The following PLXNA2 variants were observed in gnomAD, a reference collection of about 807,000 sequenced individuals.
The protein encoded by PLXNA2 is plexin-A2.
In PLXNA2, 91 loss-of-function variants were observed where a neutral mutation model predicts 193.5. That is an observed-to-expected ratio of 0.47 (90% confidence interval 0.40 to 0.56). The LOEUF (loss-of-function observed/expected upper bound fraction) is 0.56, where lower values mean the gene tolerates loss of function less well. Ranked by LOEUF, PLXNA2 falls within the 20% of genes least tolerant of loss-of-function variation. The pLI, the probability that PLXNA2 is intolerant of heterozygous loss-of-function variation, is 0.00. For synonymous variants in PLXNA2, 997 were observed against 1,027.3 expected, an observed-to-expected ratio of 0.97 and a Z score of 0.56; for missense variants, 1,995 against 2,503.2, an observed-to-expected ratio of 0.80 and a Z score of 4.33.
At chr1:208,046,202 T>C (rs1310137349) in intron 17 of PLXNA2, 85 bp from the exon 18 acceptor site, 2 of 1,456,842 alleles carry the variant, frequency 1.4e-6, no homozygotes, top group South Asian at 2.7e-5. Context: ...ACCCTCTCTC[T>C]GCTTTTGTGC....
chr1:208,205,573 C>T (rs1309625890), intron 3 of PLXNA2, among the ~76,000 whole-genome samples: 1 of 152,228 alleles, frequency 6.6e-6, no homozygotes, highest in Admixed American at 6.5e-5. Flanking sequence ...TTCTCTGCCT[C>T]AGCCTGTCCT....
chr1:208,052,511 A>G (rs1350185887), intron 14 of PLXNA2, 48 bp from the exon 15 acceptor site: 2 of 1,592,204 alleles, frequency 1.3e-6, no homozygotes, highest in East Asian at 4.5e-5. Context: ...TTTCTCCAAA[A>G]GGATGGACCA....
intron 3 of PLXNA2, among the ~76,000 whole-genome samples, chr1:208,179,654 C>T (rs889300868): frequency 3.3e-5 from 5 of 152,190 alleles, no homozygotes; most frequent in African/African-American, 1.2e-4. Flanking sequence ...CTCTATTAGC[C>T]TCTCTCAGAT....
At chr1:208,234,382 C>T (rs1671786476) in intron 1 of PLXNA2, among the ~76,000 whole-genome samples, 1 of 152,224 alleles carries the variant, frequency 6.6e-6, no homozygotes. Context: ...ATCAAGGGCT[C>T]TTGCTGACCC....
At chr1:208,062,679 C>A (rs932728458) in intron 12 of PLXNA2, among the ~76,000 whole-genome samples, 3 of 152,214 alleles carry the variant, frequency 2.0e-5, no homozygotes, top group Non-Finnish European at 2.9e-5. Context: ...ATAAACAGCA[C>A]ACATGAAATG....
chr1:208,233,211 G>C (rs1048370685), intron 1 of PLXNA2, among the ~76,000 whole-genome samples: 2 of 152,164 alleles, frequency 1.3e-5, no homozygotes, highest in Non-Finnish European at 2.9e-5. Flanking sequence ...ACCTCCTCAA[G>C]AGCCTGGACA....
At position 208,052,329 on chromosome 1, in the gene PLXNA2, G is replaced by T; in HGVS notation, c.2991C>A (p.Tyr997Ter). 1 of 1,612,534 alleles carries T rather than the reference G, an allele frequency of 6.2e-7. No homozygotes were observed. Among genetic ancestry groups the T allele is most frequent in the Non-Finnish European group, 8.5e-7 (1 of 1,179,986 alleles). Reference protein sequence around the residue: ...VYLGNQTCEFYGRSMSEIVCV... With the variant: ...VYLGNQTCEF ...GTGGCCCTTCAAGTTTATCTCACCC[G>T]TAGAACTCGCAGGTCTGGTTGCCCA... The change falls in exon 15 of 32, where the codon TAC becomes TAA. Residue 997 changes from tyrosine (Y) to a stop codon, truncating the protein, a stop_gained and splice_region_variant. Coordinates refer to ENST00000367033, the MANE Select transcript of PLXNA2 (RefSeq NM_025179.4). LOFTEE classifies it high-confidence loss of function.
intron 12 of PLXNA2, among the ~76,000 whole-genome samples, chr1:208,074,672 T>C (rs1385985589): frequency 1.1e-4 from 17 of 152,192 alleles, no homozygotes. Context: ...AACGTAGAAC[T>C]CCTTTGAGAT....
chr1:208,152,683 G>GCACA (rs56051287), intron 3 of PLXNA2, among the ~76,000 whole-genome samples: 1,714 of 140,338 alleles, frequency 0.012, 39 homozygotes, highest in African/African-American at 0.043. Context: ...ACACACACAC[G>GCACA]CACACACACA....
chr1:208,076,723 C>T (rs1320355532), intron 12 of PLXNA2, among the ~76,000 whole-genome samples: 1 of 152,174 alleles, frequency 6.6e-6, no homozygotes, highest in Non-Finnish European at 1.5e-5. Context: ...ACTAAGGAGA[C>T]ATGACAATAG....
At chr1:208,110,565 C>T (rs1279587627) in intron 4 of PLXNA2, among the ~76,000 whole-genome samples, 1 of 152,212 alleles carries the variant, frequency 6.6e-6, no homozygotes, top group Non-Finnish European at 1.5e-5. Context: ...TTACCGCATG[C>T]CAGGCACGTC....
At chr1:208,147,690 C>T (rs1668641267) in intron 3 of PLXNA2, among the ~76,000 whole-genome samples, 1 of 152,202 alleles carries the variant, frequency 6.6e-6, no homozygotes, top group African/African-American at 2.4e-5. Flanking sequence ...CAAGATCACA[C>T]AGCTGGAGAG....
chr1:208,194,377 C>T (rs530020399), intron 3 of PLXNA2, among the ~76,000 whole-genome samples: 30 of 147,740 alleles, frequency 2.0e-4, no homozygotes, highest in African/African-American at 7.3e-4. Flanking sequence ...TTATGCAGTG[C>T]TTAGGCTGCT....
At chr1:208,115,306 G>C (rs1667601516) in intron 4 of PLXNA2, among the ~76,000 whole-genome samples, 1 of 152,156 alleles carries the variant, frequency 6.6e-6, no homozygotes, top group Non-Finnish European at 1.5e-5. Context: ...GCATTTGCTT[G>C]TTTATTCATT....
Position 208,044,140 on chromosome 1 carries a change from A to G in PLXNA2, c.3874+368T>C, listed in dbSNP as rs913526436. 6.6e-6 allele frequency among the ~76,000 whole-genome samples: 1 copy of G among 152,216 alleles called. No homozygotes were observed. Among genetic ancestry groups the G allele is most frequent in the African/African-American group, 2.4e-5 (1 of 41,456 alleles). On this transcript the variant is annotated intron_variant, in intron 20 of 31. Coordinates refer to ENST00000367033, the MANE Select transcript of PLXNA2 (RefSeq NM_025179.4). This position sits in a 1 kb window ranked among gnomAD's most constrained non-coding sequence, Gnocchi z 4.9. ...CCCACGTGCTGCGAAGACAGTGTGC[A>G]GAAAAACAAGAGCTGGACACTCCCA...
At position 208,082,572 on chromosome 1, in the gene PLXNA2, A is replaced by C; in HGVS notation, c.2299-64T>G. 1.8e-6 allele frequency: 2 copies of C among 1,114,152 alleles called. No homozygotes were observed. Among genetic ancestry groups the C allele is most frequent in the Non-Finnish European group, 2.7e-6 (2 of 734,082 alleles). 69.0% of individuals were successfully genotyped at this position (1,114,152 alleles called of 1,614,324 possible). A position where few individuals can be genotyped will look rare whatever the true frequency, so the allele number is the denominator to read the frequency against. ...TCTCTATCACAGGGGTCAGGGATGC[A>C]GACAAACCCTGCATGCTGCTCAGAT... On this transcript the variant is annotated intron_variant, in intron 10 of 31. Transcript: ENST00000367033. This position sits in a 1 kb window ranked among gnomAD's most constrained non-coding sequence, Gnocchi z 4.2.
At chr1:208,161,877 ACTCT>A (rs1669116733) in intron 3 of PLXNA2, among the ~76,000 whole-genome samples, 1 of 152,086 alleles carries the variant, frequency 6.6e-6, no homozygotes, top group Non-Finnish European at 1.5e-5. Context: ...CGCGTCAACT[ACTCT>A]GTGTCATGTT....
rs201590466 is a variant in PLXNA2, at chr1:208,038,358, C to T, written c.4764+13G>A. The T allele has an allele frequency of 1.1e-3, 1,669 of 1,547,474 alleles. 2 individuals are homozygous for T. Among genetic ancestry groups the T allele is most frequent in the Non-Finnish European group, 1.4e-3 (1,541 of 1,119,086 alleles). On this transcript the variant is annotated intron_variant, in intron 26 of 31. Transcript: ENST00000367033. The surrounding 1 kb of genome is among the most constrained non-coding windows in gnomAD (Gnocchi z 4.1). ...CTGGGAAGCTGAAGAGGGGAAAAGA[C>T]ACCCCCTCTCACCTGATAATGCATC...
At chr1:208,195,176 T>G (rs1275625980) in intron 3 of PLXNA2, among the ~76,000 whole-genome samples, 1 of 152,126 alleles carries the variant, frequency 6.6e-6, no homozygotes, top group Non-Finnish European at 1.5e-5. Flanking sequence ...ATGAGTGGCA[T>G]GTAGTAATCT....
Sources: gnomAD v4.1 joint callset for allele counts (sites outside exome capture counted in the v4.1 genomes callset) on GRCh38, gnomAD v4.1.1 for gene constraint, Gnocchi (gnomAD v3.1) non-coding constraint, MANE v1.5 for transcripts, NCBI Gene and HGNC (gene_info 2026-07-23, HGNC 2026-07-21) for gene names.